Variants in GLDC observed in about 807,000 individuals in gnomAD.
The protein encoded by GLDC is glycine decarboxylase.
In GLDC, 104 loss-of-function variants were observed where a neutral mutation model predicts 121.3. The observed-to-expected ratio is 0.86, with a 90% CI of 0.73 to 1.01. The LOEUF (loss-of-function observed/expected upper bound fraction) is 1.01, where lower values mean the gene tolerates loss of function less well. Ranked by LOEUF, GLDC falls within the 50% of genes least tolerant of loss-of-function variation. GLDC has a pLI of 0.00. For synonymous variants in GLDC, 546 were observed against 480.6 expected, an observed-to-expected ratio of 1.14 and a Z score of -1.78; for missense variants, 1,429 against 1,306.6, an observed-to-expected ratio of 1.09 and a Z score of -1.44.
intron 15 of GLDC, among the ~76,000 whole-genome samples, chr9:6,573,977 G>A (rs148491708): frequency 2.6e-5 from 4 of 152,166 alleles, no homozygotes; most frequent in Admixed American, 1.3e-4. Flanking sequence ...ACGTTAGCCA[G>A]GTCTCTATCT....
intron 21 of GLDC, among the ~76,000 whole-genome samples, chr9:6,547,945 C>G (rs1289910644): frequency 6.6e-6 from 1 of 152,140 alleles, no homozygotes; most frequent in Non-Finnish European, 1.5e-5. Context: ...ACCTGGGCAA[C>G]AGAGCAAGAC....
At chr9:6,535,282 A>T (rs915863397) in intron 23 of GLDC, among the ~76,000 whole-genome samples, 1 of 151,966 alleles carries the variant, frequency 6.6e-6, no homozygotes, top group African/African-American at 2.4e-5. Flanking sequence ...ATTTAAAAAA[A>T]TAGCCTAAAT....
rs1305278291 is a variant in GLDC at position 6,536,138 on chromosome 9, C to T, written c.2764G>A (p.Ala922Thr). 1.2e-6 allele frequency: 2 copies of T among 1,614,016 alleles called. No individual in the cohort carries two copies. Among genetic ancestry groups the T allele is most frequent in the African/African-American group, 1.3e-5 (1 of 74,924 alleles). ...DKAELDRFCD[A>T]MISIRQEIAD... is the part of the protein sequence containing the mutation. Reference sequence around the variant, plus strand: ...ATTTCCTGCCGAATGCTGATCATGGCATCACAGAATCTGTCCAGCTCTGCC... The same window carrying T: ...ATTTCCTGCCGAATGCTGATCATGGTATCACAGAATCTGTCCAGCTCTGCC... The change falls in exon 23 of 25, where the codon GCC (alanine) becomes ACC (threonine). Residue 922 changes from alanine to threonine, a missense_variant. By Grantham distance (58) the Ala-to-Thr change is moderately conservative (BLOSUM62 0). Coordinates refer to ENST00000321612, the MANE Select transcript of GLDC (RefSeq NM_000170.3).
intron 11 of GLDC, among the ~76,000 whole-genome samples, chr9:6,590,690 C>T (rs1818358879): frequency 6.6e-6 from 1 of 152,208 alleles, no homozygotes; most frequent in African/African-American, 2.4e-5. Context: ...TATTTAGCCT[C>T]AGGTACTCCA....
At chr9:6,583,896 A>G (rs1330628385) in intron 15 of GLDC, among the ~76,000 whole-genome samples, 1 of 152,208 alleles carries the variant, frequency 6.6e-6, no homozygotes, top group Non-Finnish European at 1.5e-5. Context: ...GTTACTGTTT[A>G]ACAGGTCCTG....
chr9:6,594,009 T>A (rs1339655377), intron 9 of GLDC, among the ~76,000 whole-genome samples: 3 of 151,834 alleles, frequency 2.0e-5, no homozygotes, highest in Non-Finnish European at 4.4e-5. Context: ...TATTTTTTTA[T>A]AGAGATGTGG....
intron 7 of GLDC, among the ~76,000 whole-genome samples, chr9:6,602,726 T>A (rs917329826): frequency 2.6e-5 from 4 of 151,802 alleles, no homozygotes; most frequent in Non-Finnish European, 4.4e-5. Flanking sequence ...TGAAAGAAAA[T>A]TTTGCAGGAA....
chr9:6,619,494 G>A (rs1220704117), intron 3 of GLDC, among the ~76,000 whole-genome samples: 15 of 152,178 alleles, frequency 9.9e-5, no homozygotes, highest in African/African-American at 3.4e-4. Flanking sequence ...TTGGGAGGCT[G>A]AAGCGGGCGG....
At chr9:6,632,950 C>T (rs72695580) in intron 2 of GLDC, among the ~76,000 whole-genome samples, 3 of 151,942 alleles carry the variant, frequency 2.0e-5, no homozygotes, top group African/African-American at 7.3e-5. Flanking sequence ...GATCGAGGGT[C>T]CTCGCCACCC....
intron 15 of GLDC, among the ~76,000 whole-genome samples, chr9:6,576,530 G>A (rs189586794): frequency 7.2e-4 from 110 of 152,130 alleles, no homozygotes; most frequent in African/African-American, 2.5e-3. Context: ...GCAGTGGTGC[G>A]ATCTTGGCTC....
intron 2 of GLDC, among the ~76,000 whole-genome samples, chr9:6,642,033 C>G (rs1056996681): frequency 2.6e-5 from 4 of 152,164 alleles, no homozygotes; most frequent in South Asian, 2.1e-4. Context: ...ACGTGCACAC[C>G]TCAGAGTCAA....
chr9:6,573,490 A>T (rs1015485091), intron 15 of GLDC, among the ~76,000 whole-genome samples: 1 of 147,380 alleles, frequency 6.8e-6, no homozygotes, highest in Non-Finnish European at 1.5e-5. Flanking sequence ...GAATACATTT[A>T]TGTGATTTTT....
intron 3 of GLDC, among the ~76,000 whole-genome samples, chr9:6,616,802 A>C (rs1818975056): frequency 6.6e-6 from 1 of 152,226 alleles, no homozygotes; most frequent in African/African-American, 2.4e-5. Flanking sequence ...TATTTAACCC[A>C]AAATAATTAG....
In GLDC at chr9:6,554,765, G is replaced by T. The variant is rs751798296; in HGVS notation, c.2219C>A (p.Pro740His). Residue 740 changes from proline to histidine, a missense_variant, in exon 19 of 25, where the codon CCT becomes CAT. Transcript: ENST00000321612. ...CGAGACATCAGACCCGAAGTCTCCA[G>T]GGCGACAGATTCCCACCTACCACAA... ...NMNAQVGICR[P>H]GDFGSDVSHL... The T allele has an allele frequency of 6.2e-7, 1 of 1,612,736 alleles. No individual in the cohort carries two copies. Among genetic ancestry groups the T allele is most frequent in the Admixed American group, 1.7e-5 (1 of 59,878 alleles).
chr9:6,645,312 A>G lies in GLDC; in HGVS notation c.188T>C (p.Phe63Ser). The change falls in exon 1 of 25, where the codon TTC becomes TCC. Residue 63 changes from phenylalanine (F) to serine (S), a missense_variant. Physicochemically the swap from Phe to Ser is radical, Grantham distance 155. Transcript: ENST00000321612. ...CCCAGGGCCGATGTGCCTCCGAGCGAAGTCGTCGTGTCTGGGCAGAAGGCG... is the reference window on the plus strand; with the variant it reads ...CCCAGGGCCGATGTGCCTCCGAGCGGAGTCGTCGTGTCTGGGCAGAAGGCG... ...LERLLPRHDDFARRHIGPGDK... is the reference protein window; with the variant it reads ...LERLLPRHDDSARRHIGPGDK... The G allele has an allele frequency of 6.3e-7, 1 of 1,594,716 alleles. No homozygotes were observed. Among genetic ancestry groups the G allele is most frequent in the Non-Finnish European group, 8.5e-7 (1 of 1,172,240 alleles).
Position 6,595,013 on chromosome 9 carries a change from C to T in GLDC, c.1261+1G>A, listed in dbSNP as rs375447060. 1 of 1,557,204 alleles carries T rather than the reference C, an allele frequency of 6.4e-7. No homozygotes were observed. The highest frequency in any genetic ancestry group is 1.4e-5 in the African/African-American group (1 of 73,774). On this transcript the variant is annotated splice_donor_variant, in intron 9 of 24. Coordinates refer to ENST00000321612, the MANE Select transcript of GLDC (RefSeq NM_000170.3). LOFTEE classifies it high-confidence loss of function. The stretch of plus-strand genomic sequence containing the variant: ...ATGTTTTAGACAGATTACCAACTCA[C>T]CTTCTGACAAAATCAAAGTGGCATT...
At chr9:6,608,840 A>C (rs1818792111) in intron 4 of GLDC, among the ~76,000 whole-genome samples, 1 of 152,154 alleles carries the variant, frequency 6.6e-6, no homozygotes, top group African/African-American at 2.4e-5. Context: ...AATTAGCAAA[A>C]AGCTGAGAAT....
At chr9:6,642,122 G>C (rs1819641480) in intron 2 of GLDC, among the ~76,000 whole-genome samples, 2 of 152,140 alleles carry the variant, frequency 1.3e-5, no homozygotes, top group Admixed American at 1.3e-4. Flanking sequence ...AGCTTTGTTG[G>C]AGAACTGGTC....
chr9:6,639,023 A>AT (rs1007662335), intron 2 of GLDC: 2 of 507,166 alleles, frequency 3.9e-6, no homozygotes, highest in East Asian at 3.6e-5. Flanking sequence ...AAAAAAAAAA[A>AT]GTATATCCTC....
Sources: gnomAD v4.1 joint callset for allele counts (sites outside exome capture counted in the v4.1 genomes callset) on GRCh38, gnomAD v4.1.1 for gene constraint, MANE v1.5 for transcripts, NCBI Gene and HGNC (gene_info 2026-07-23, HGNC 2026-07-21) for gene names.